The following CCSER1 variants were observed in gnomAD, a reference collection of about 807,000 sequenced individuals.
CCSER1 encodes coiled-coil serine rich protein 1.
Under a neutral mutation model 82.0 loss-of-function variants are expected in CCSER1, and 41 were observed. The observed-to-expected ratio is 0.50, with a 90% CI of 0.39 to 0.65. The LOEUF (loss-of-function observed/expected upper bound fraction) is 0.65. CCSER1 is among the 30% of genes least tolerant of loss of function. The pLI is 0.00. For synonymous variants in CCSER1, 414 were observed against 383.9 expected, an observed-to-expected ratio of 1.08 and a Z score of -0.92; for missense variants, 1,119 against 1,064.2, an observed-to-expected ratio of 1.05 and a Z score of -0.72.
chr4:91,372,859 G>A lies in CCSER1; in HGVS notation c.2218-225713G>A, dbSNP rs187879969. The stretch of plus-strand genomic sequence containing the variant: ...CACAATCATGACTGTGAAGTGCAAC[G>A]CTAAAGTCATCTGTCAGTATGCAGT... On this transcript the variant is annotated intron_variant, in intron 10 of 10. Coordinates refer to ENST00000509176, the MANE Select transcript of CCSER1 (RefSeq NM_001145065.2). Among the ~76,000 whole-genome samples the A allele has an allele frequency of 3.3e-4, 50 of 151,604 alleles. No homozygotes were observed. The South Asian group carries it at 3.4e-3, about 10-fold the overall frequency.
chr4:91,223,860 T>C (rs552273608), intron 10 of CCSER1, among the ~76,000 whole-genome samples: 143 of 152,144 alleles, frequency 9.4e-4, no homozygotes, highest in Non-Finnish European at 1.8e-3. Context: ...CACAGATGTA[T>C]TGGCTAATTC....
At chr4:91,254,650 T>C (rs1376005600) in intron 10 of CCSER1, among the ~76,000 whole-genome samples, 1 of 152,128 alleles carries the variant, frequency 6.6e-6, no homozygotes, top group Non-Finnish European at 1.5e-5. Flanking sequence ...TGAATGTATT[T>C]AATAGCACTG....
intron 8 of CCSER1, among the ~76,000 whole-genome samples, chr4:90,849,790 TAAAAAAAAAAAAA>T (rs750879193): frequency 1.3e-5 from 1 of 76,984 alleles, no homozygotes; most frequent in East Asian, 4.0e-4. Flanking sequence ...CTCCATCTCA[TAAAAAAAAAAAAA>T]AAAAAAAAGA....
intron 6 of CCSER1, among the ~76,000 whole-genome samples, chr4:90,645,010 A>G (rs1397604880): frequency 6.6e-6 from 1 of 150,662 alleles, no homozygotes; most frequent in African/African-American, 2.4e-5. Flanking sequence ...TGAACCCAGG[A>G]GGTGGAGGTT....
chr4:91,050,778 C>A (rs1233318048), intron 9 of CCSER1, among the ~76,000 whole-genome samples: 2 of 152,178 alleles, frequency 1.3e-5, no homozygotes, highest in South Asian at 4.1e-4. Flanking sequence ...TGTGATTTAT[C>A]TTCCCAGTCT....
At chr4:90,537,712 A>T (rs549523589) in intron 5 of CCSER1, among the ~76,000 whole-genome samples, 1 of 152,170 alleles carries the variant, frequency 6.6e-6, no homozygotes, top group East Asian at 1.9e-4. Flanking sequence ...CTTCACTTTT[A>T]TCTACTGGGG....
At chr4:90,769,947 A>T (rs1048360414) in intron 7 of CCSER1, among the ~76,000 whole-genome samples, 4 of 152,110 alleles carry the variant, frequency 2.6e-5, no homozygotes, top group Non-Finnish European at 5.9e-5. Flanking sequence ...TTTTGAGTGA[A>T]GGCTATGTTT....
intron 5 of CCSER1, among the ~76,000 whole-genome samples, chr4:90,612,358 C>A (rs1025954426): frequency 9.9e-5 from 15 of 152,114 alleles, no homozygotes; most frequent in African/African-American, 3.6e-4. Flanking sequence ...GGGTATATTT[C>A]ATCACTTAAA....
intron 4 of CCSER1, among the ~76,000 whole-genome samples, chr4:90,424,941 G>A (rs751723478): frequency 3.3e-5 from 5 of 152,186 alleles, no homozygotes; most frequent in East Asian, 1.9e-4. Context: ...TAGTTTTAAC[G>A]GATTCTACTT....
intron 4 of CCSER1, among the ~76,000 whole-genome samples, chr4:90,442,773 A>G (rs151051104): frequency 0.014 from 2,147 of 152,332 alleles, 28 homozygotes; most frequent in Middle Eastern, 0.041. Context: ...ATATCTTTCC[A>G]GAAGCAAACA....
At chr4:90,425,057 T>A (rs1353367870) in intron 4 of CCSER1, among the ~76,000 whole-genome samples, 1 of 152,210 alleles carries the variant, frequency 6.6e-6, no homozygotes, top group African/African-American at 2.4e-5. Context: ...GTTGGTCTTT[T>A]ACGGCCCTTG....
intron 10 of CCSER1, among the ~76,000 whole-genome samples, chr4:91,120,450 T>C (rs949785706): frequency 6.6e-6 from 1 of 152,002 alleles, no homozygotes; most frequent in Non-Finnish European, 1.5e-5. Flanking sequence ...TCAGTATTAC[T>C]TGAAAGAAAA....
At chr4:90,712,709 G>A (rs1190127180) in intron 6 of CCSER1, among the ~76,000 whole-genome samples, 3 of 151,612 alleles carry the variant, frequency 2.0e-5, no homozygotes, top group Non-Finnish European at 4.4e-5. Flanking sequence ...TTCTATCTCG[G>A]TGATCTGCCT....
chr4:91,503,975 G>C (rs1251224035), intron 10 of CCSER1, among the ~76,000 whole-genome samples: 1 of 152,126 alleles, frequency 6.6e-6, no homozygotes, highest in African/African-American at 2.4e-5. Context: ...TCTCAGAGAG[G>C]ATTCTTATAT....
In CCSER1 at chr4:90,372,084, G is replaced by GT. The variant is rs1451941315; in HGVS notation, c.1510-27945dup. Among the ~76,000 whole-genome samples, 4 of 152,102 alleles carry GT rather than the reference G, an allele frequency of 2.6e-5. No individual in the cohort carries two copies. The South Asian group carries it at 6.2e-4, about 24-fold the overall frequency. On this transcript the variant is annotated intron_variant, in intron 3 of 10. Coordinates refer to ENST00000509176, the MANE Select transcript of CCSER1 (RefSeq NM_001145065.2). ...CGTTTGGAACTCTGTGGATATGCTT[G>GT]TTTTTTTCAATTGCTGTATACCTCC... is the stretch of plus-strand genomic sequence containing the variant.
intron 9 of CCSER1, among the ~76,000 whole-genome samples, chr4:91,021,890 A>T (rs1740010032): frequency 6.6e-6 from 1 of 152,252 alleles, no homozygotes; most frequent in Non-Finnish European, 1.5e-5. Context: ...ATCTATATGC[A>T]TAAACAAATA....
intron 10 of CCSER1, among the ~76,000 whole-genome samples, chr4:91,598,359 A>T (rs943920558): frequency 6.6e-5 from 10 of 152,146 alleles, no homozygotes; most frequent in Admixed American, 3.9e-4. Flanking sequence ...CAAATATAAA[A>T]ATGCCTTTTA....
rs555858411 is a variant in CCSER1 at position 91,041,194 on chromosome 4, G to A, written c.2173-44756G>A. 3.9e-5 allele frequency among the ~76,000 whole-genome samples: 6 copies of A among 152,226 alleles called. No homozygotes were observed. The South Asian group carries it at 6.2e-4, about 16-fold the overall frequency. On this transcript the variant is annotated intron_variant, in intron 9 of 10. Transcript: ENST00000509176. ...TGTTACACAATTTTTCTTTTGTGTG[G>A]CACCATCAGTCATGACATAAGTCCC... is the stretch of plus-strand genomic sequence containing the variant.
chr4:90,347,036 C>T (rs536951469), intron 3 of CCSER1, among the ~76,000 whole-genome samples: 156 of 152,000 alleles, frequency 1.0e-3, no homozygotes, highest in African/African-American at 3.6e-3. Flanking sequence ...CTGATCTTTC[C>T]GAAGGCTCTT....
Sources: allele counts gnomAD v4.1 joint callset (sites outside exome capture counted in the v4.1 genomes callset), GRCh38; gene constraint gnomAD v4.1.1; transcripts MANE v1.5; gene names NCBI Gene and HGNC (gene_info 2026-07-23, HGNC 2026-07-21).